The following ZNF302 variants were observed in gnomAD, a reference collection of about 807,000 sequenced individuals.
The protein encoded by ZNF302 is zinc finger protein 302.
Under a neutral mutation model 10.8 loss-of-function variants are expected in ZNF302, and 12 were observed. The observed-to-expected ratio is 1.11, with a 90% CI of 0.71 to 1.79. The LOEUF (loss-of-function observed/expected upper bound fraction) is 1.79. Among genes scored for constraint, ZNF302 ranks in the 40% most tolerant of loss-of-function variants. ZNF302 has a pLI of 0.00. For synonymous variants in ZNF302, 178 were observed against 157.5 expected, an observed-to-expected ratio of 1.13 and a Z score of -0.98; for missense variants, 461 against 471.1, an observed-to-expected ratio of 0.98 and a Z score of 0.20.
chr19:34,676,414 A>G (rs2067950206), upstream of ZNF302: 1 of 152,230 alleles, frequency 6.6e-6, no homozygotes, highest in South Asian at 2.1e-4. Context: ...AAAAGCTGGG[A>G]AGCCCTCAGC....
chr19:34,683,174 A>G lies in ZNF302; in HGVS notation c.150A>G (p.Pro50=). Residue 50 remains proline (P), a synonymous_variant, in exon 4 of 5, where the codon CCA becomes CCG. Coordinates refer to ENST00000505242, the MANE Select transcript of ZNF302 (RefSeq NM_001289187.2). The stretch of plus-strand genomic sequence containing the variant: ...AAGCAGGTCTTTCCGTAACTAAGCC[A>G]TATGTGATCATGTTATTGGAGGATG... ...LVSVGLSVTK[P]YVIMLLEDGK... 1 of 1,614,110 alleles carries G rather than the reference A, an allele frequency of 6.2e-7. No individual in the cohort carries two copies. The highest frequency in any genetic ancestry group is 8.5e-7 in the Non-Finnish European group (1 of 1,179,974).
At chr19:34,679,180 T>C (rs1223097038) in intron 2 of ZNF302, among the ~76,000 whole-genome samples, 1 of 152,206 alleles carries the variant, frequency 6.6e-6, no homozygotes, top group African/African-American at 2.4e-5. Context: ...GACTTATAAC[T>C]CATATTCAGG....
chr19:34,676,960 G>A (rs576107345), upstream of ZNF302: 2 of 152,152 alleles, frequency 1.3e-5, no homozygotes, highest in South Asian at 2.1e-4. Flanking sequence ...CCCAGGATGA[G>A]GGTCTCCATC....
chr19:34,685,642 G>A lies in ZNF302; in HGVS notation c.*405G>A. 1 of 905,668 alleles carries A rather than the reference G, an allele frequency of 1.1e-6. No individual in the cohort carries two copies. Among genetic ancestry groups the A allele is most frequent in the South Asian group, 1.5e-5 (1 of 65,406 alleles). The allele number at this position is 905,668 out of a possible 1,614,324, so 56.1% of individuals were successfully genotyped here. A position where few individuals can be genotyped will look rare whatever the true frequency, so the allele number is the denominator to read the frequency against. ...AGAAATCTTACAGAAGAGAAGCAGT[G>A]TTTATCACGGTAAACTTCATTCATA... On this transcript the variant is annotated 3_prime_UTR_variant, in exon 5 of 5. Coordinates refer to ENST00000505242, the MANE Select transcript of ZNF302 (RefSeq NM_001289187.2).
At chr19:34,678,616 G>A (rs1490477993) in intron 1 of ZNF302, 121 bp from the exon 2 acceptor site, 11 of 593,890 alleles carry the variant, frequency 1.9e-5, no homozygotes, top group Non-Finnish European at 3.0e-5. Context: ...TCCTTCCCAG[G>A]GAGAGATTGA....
At position 34,677,693 on chromosome 19, in the gene ZNF302, G is replaced by A. The variant is rs2068030253; in HGVS notation, c.-479G>A. On this transcript the variant is annotated 5_prime_UTR_variant, in exon 1 of 5. Transcript: ENST00000505242. ...GGTGCACTGGGTCAGTCCCGCGATA[G>A]CTTCAGGCCTGGCGGCGGCTTCCAA... The A allele has an allele frequency of 6.6e-6, 1 of 152,344 alleles. No homozygotes were observed. Among genetic ancestry groups the A allele is most frequent in the Admixed American group, 6.5e-5 (1 of 15,292 alleles). The allele number at this position is 152,344 out of a possible 1,614,324, so 9.4% of individuals were successfully genotyped here.
intron 2 of ZNF302, chr19:34,682,178 A>C (rs1294649462): frequency 6.6e-6 from 1 of 152,296 alleles, no homozygotes; most frequent in East Asian, 1.9e-4. Context: ...TAATCCATTC[A>C]TGAGGGCAGA....
chr19:34,682,656 G>GAATGGGAA (rs2068416273), intron 2 of ZNF302, 121 bp from the exon 3 acceptor site: 10 of 1,456,158 alleles, frequency 6.9e-6, no homozygotes, highest in Non-Finnish European at 9.3e-6. Context: ...CACATTCCCA[G>GAATGGGAA]TCATTGTCAC....
chr19:34,678,702 C>A, intron 1 of ZNF302, 35 bp from the exon 2 acceptor site: 2 of 1,410,506 alleles, frequency 1.4e-6, no homozygotes, highest in Non-Finnish European at 2.0e-6. Flanking sequence ...CCCGATTTTT[C>A]ATGACTGCTT....
At chr19:34,679,217 A>G (rs1295135040) in intron 2 of ZNF302, among the ~76,000 whole-genome samples, 1 of 152,116 alleles carries the variant, frequency 6.6e-6, no homozygotes, top group Non-Finnish European at 1.5e-5. Context: ...TAAACGATAC[A>G]CCGTATACAG....
upstream of ZNF302, chr19:34,676,902 G>A (rs2067974645): frequency 1.3e-5 from 2 of 152,202 alleles, no homozygotes; most frequent in African/African-American, 4.8e-5. Context: ...AAGCACTTCT[G>A]GGGAGAGGGG....
intron 2 of ZNF302, chr19:34,679,811 T>C (rs1220308912): frequency 5.7e-6 from 4 of 700,112 alleles, no homozygotes; most frequent in East Asian, 5.4e-5. Context: ...CTTTTTCTTC[T>C]TTGTTGACTG....
rs1194411827 is a variant in ZNF302, at chr19:34,681,904, T to C, written c.10-873T>C. On this transcript the variant is annotated intron_variant, in intron 2 of 4. Coordinates refer to ENST00000505242, the MANE Select transcript of ZNF302 (RefSeq NM_001289187.2). ...TATACACCACAAATATATTTTTCTT[T>C]TTTGTTTATGAATCAGTTATGTGTA... is the stretch of plus-strand genomic sequence containing the variant. 3.3e-5 allele frequency: 5 copies of C among 152,238 alleles called. No homozygotes were observed. In the East Asian group the frequency reaches 9.6e-4, roughly 29 times the overall value. The allele number at this position is 152,238 out of a possible 1,614,324, so 9.4% of individuals were successfully genotyped here.
At chr19:34,678,859 C>T in intron 2 of ZNF302, 46 bp downstream of exon 2, 1 of 1,612,462 alleles carries the variant, frequency 6.2e-7, no homozygotes, top group Non-Finnish European at 8.5e-7. Flanking sequence ...TTTATTAGGC[C>T]TCTGTGTGTT....
upstream of ZNF302, chr19:34,677,160 C>CAAA (rs10601812): frequency 8.0e-6 from 1 of 125,412 alleles, no homozygotes; most frequent in South Asian, 2.6e-4. Flanking sequence ...AAATGAGTGC[C>CAAA]AAAAAAAAAA....
chr19:34,684,397 A>G lies in ZNF302; in HGVS notation c.360A>G (p.Glu120=). 1.2e-6 allele frequency: 2 copies of G among 1,611,478 alleles called. No homozygotes were observed. The highest frequency in any genetic ancestry group is 4.5e-5 in the East Asian group (2 of 44,792). ...CTAATAAGAATTTGGAATATACAGA[A>G]TGCGACACATTTAGAAGCACCTTTC... ...SNSNKNLEYT[E]CDTFRSTFHS... The change falls in exon 5 of 5, where the codon GAA becomes GAG. Residue 120 remains glutamate, a synonymous_variant. Coordinates refer to ENST00000505242, the MANE Select transcript of ZNF302 (RefSeq NM_001289187.2).
Position 34,684,481 on chromosome 19 carries a change from A to G in ZNF302, c.444A>G (p.Lys148=). ...QNNSAEGNSH[K]YDILKKNLSK... ...ATTCTGCTGAAGGGAATTCACACAA[A>G]TATGATATATTAAAGAAGAATTTAT... Residue 148 remains lysine, a synonymous_variant, in exon 5 of 5, where the codon AAA becomes AAG. Transcript: ENST00000505242. 6.2e-7 allele frequency: 1 copy of G among 1,612,790 alleles called. No homozygotes were observed. The highest frequency in any genetic ancestry group is 8.5e-7 in the Non-Finnish European group (1 of 1,179,208).
chr19:34,677,395 G>A (rs900647416), upstream of ZNF302: 1 of 152,228 alleles, frequency 6.6e-6, no homozygotes, highest in Non-Finnish European at 1.5e-5. Flanking sequence ...TATAAGTAGA[G>A]GGTGTCCCTT....
At chr19:34,676,734 A>G (rs1320870475), upstream of ZNF302, 1 of 152,248 alleles carries the variant, frequency 6.6e-6, no homozygotes, top group East Asian at 1.9e-4. Flanking sequence ...AATAAGTACA[A>G]AAAAGTCTAT....
Sources: allele counts gnomAD v4.1 joint callset (sites outside exome capture counted in the v4.1 genomes callset), GRCh38; gene constraint gnomAD v4.1.1; transcripts MANE v1.5; gene names NCBI Gene and HGNC (gene_info 2026-07-23, HGNC 2026-07-21).